Variants in BRAP observed in about 807,000 individuals in gnomAD.
BRAP encodes BRCA1 associated protein, also known as BRCA1-associated protein.
A neutral mutation model predicts 73.4 loss-of-function variants in BRAP; 42 were observed. The ratio of observed to expected loss-of-function variants is 0.57; its 90% CI spans 0.45 to 0.74. BRAP has a LOEUF of 0.74. Ranked by LOEUF, BRAP falls within the 30% of genes least tolerant of loss-of-function variation. The probability of loss-of-function intolerance (pLI) is 0.00; values close to 1 mark genes in which losing one functional copy is unlikely to be tolerated. For synonymous variants in BRAP, 255 were observed against 267.4 expected (o/e 0.95, Z 0.45); for missense variants, 593 against 751.4 (o/e 0.79, Z 2.46).
intron 6 of BRAP, 87 bp from the exon 7 acceptor site, chr12:111,660,762 ATCC>A: frequency 1.2e-5 from 13 of 1,046,386 alleles, no homozygotes; most frequent in Admixed American, 2.4e-5. Flanking sequence ...TGGATTTTAT[ATCC>A]TCCTCCTCTT....
intron 9 of BRAP, among the ~76,000 whole-genome samples, chr12:111,657,627 C>A (rs986879125): frequency 1.3e-5 from 2 of 152,092 alleles, no homozygotes; most frequent in African/African-American, 4.8e-5. Context: ...TGCCTATAAT[C>A]CCAGCACTTT....
rs1012673733 is a variant in BRAP, at chr12:111,644,261, C to T, written c.1717G>A (p.Ala573Thr). ...AACTTCCCACTGCCCCCCGAAGAGG[C>T]AGGGCTCGAGGCCGAGGCCATGGCG... is the stretch of plus-strand genomic sequence containing the variant. ...NIAMASASSP[A>T]SSGGSGKLPS... Residue 573 changes from alanine (A) to threonine (T), a missense_variant, in exon 12 of 12, where the codon GCC becomes ACC. Physicochemically the swap from Ala to Thr is moderately conservative, Grantham distance 58. This residue lies in a region of BRAP where 79 missense variants were observed against 65.3 expected (regional missense o/e 1.21). Coordinates refer to ENST00000419234, the MANE Select transcript of BRAP (RefSeq NM_006768.5). 11 of 1,613,936 alleles carry T rather than the reference C, an allele frequency of 6.8e-6. No individual in the cohort carries two copies. The highest frequency in any genetic ancestry group is 9.3e-6 in the Non-Finnish European group (11 of 1,180,044).
chr12:111,666,711 G>A (rs1270634315), intron 5 of BRAP, among the ~76,000 whole-genome samples: 3 of 152,132 alleles, frequency 2.0e-5, no homozygotes, highest in Non-Finnish European at 4.4e-5. Flanking sequence ...TTGACTTGAC[G>A]CTTCCAGCCA....
At chr12:111,681,145 G>A (rs1030648920) in intron 3 of BRAP, among the ~76,000 whole-genome samples, 3 of 152,058 alleles carry the variant, frequency 2.0e-5, no homozygotes, top group African/African-American at 4.8e-5. Flanking sequence ...TGAGGCGGGC[G>A]GATAACCTGA....
intron 10 of BRAP, among the ~76,000 whole-genome samples, chr12:111,651,689 G>A (rs1886331991): frequency 7.0e-6 from 1 of 142,068 alleles, no homozygotes; most frequent in South Asian, 2.3e-4. Flanking sequence ...CCAGGCTGGA[G>A]TGCAATGGCG....
At chr12:111,679,036 A>C (rs1330134708) in intron 4 of BRAP, 115 bp downstream of exon 4, 2 of 626,560 alleles carry the variant, frequency 3.2e-6, no homozygotes, top group Non-Finnish European at 4.9e-6. Context: ...ATATCTTAGA[A>C]GACATCTCAA....
At chr12:111,655,274 G>T (rs2285727) in intron 10 of BRAP, among the ~76,000 whole-genome samples, 39,209 of 150,226 alleles carry the variant, frequency 0.26, 6,759 homozygotes, top group East Asian at 0.9. Context: ...AAACCCTCAG[G>T]TAGATACTTC....
intron 2 of BRAP, 149 bp from the exon 3 acceptor site, chr12:111,681,984 G>A: frequency 1.3e-6 from 1 of 754,464 alleles, no homozygotes; most frequent in Middle Eastern, 4.0e-4. Context: ...TAGAATAGCT[G>A]AGTTTATGAG....
intron 7 of BRAP, among the ~76,000 whole-genome samples, chr12:111,659,713 G>A (rs979766463): frequency 1.3e-5 from 2 of 151,900 alleles, no homozygotes; most frequent in Non-Finnish European, 2.9e-5. Context: ...AGGAACCTGA[G>A]ACACTAGAAG....
At chr12:111,672,849 T>C (rs1381012004) in intron 4 of BRAP, 75 bp from the exon 5 acceptor site, 1 of 1,162,448 alleles carries the variant, frequency 8.6e-7, no homozygotes, top group Admixed American at 1.9e-5. Flanking sequence ...TCAATATGCA[T>C]GGCTTTATTC....
At chr12:111,672,533 T>C in intron 5 of BRAP, 128 bp downstream of exon 5, 1 of 758,950 alleles carries the variant, frequency 1.3e-6, no homozygotes, top group South Asian at 1.9e-5. Flanking sequence ...CTTCCTGCCC[T>C]GATAACCACC....
At chr12:111,683,007 A>G (rs1043532348) in intron 2 of BRAP, 139 bp downstream of exon 2, 2 of 870,204 alleles carry the variant, frequency 2.3e-6, no homozygotes, top group Non-Finnish European at 3.5e-6. Flanking sequence ...GTGGCTTAAC[A>G]GTGTCATATA....
Position 111,685,813 on chromosome 12 carries a change from C to T in BRAP, c.-21G>A, listed in dbSNP as rs751817733. On this transcript the variant is annotated 5_prime_UTR_variant, in exon 1 of 12. Coordinates refer to ENST00000419234, the MANE Select transcript of BRAP (RefSeq NM_006768.5). ...CTCATAGGGCAGGCGCTGGCCGGCG[C>T]GGGCCCCGGCGGGCTCAGGCGAGGC... 21 of 1,445,022 alleles carry T rather than the reference C, an allele frequency of 1.5e-5. No individual in the cohort carries two copies. The South Asian group carries it at 2.6e-4, about 18-fold the overall frequency. The allele number at this position is 1,445,022 out of a possible 1,614,324, so 89.5% of individuals were successfully genotyped here. A position where few individuals can be genotyped will look rare whatever the true frequency, so the allele number is the denominator to read the frequency against.
intron 11 of BRAP, among the ~76,000 whole-genome samples, chr12:111,645,295 C>T (rs555348811): frequency 5.3e-5 from 8 of 152,138 alleles, no homozygotes; most frequent in Non-Finnish European, 7.4e-5. Flanking sequence ...TCTGGAACTC[C>T]TGACCTTGTG....
At position 111,683,170 on chromosome 12, in the gene BRAP, T is replaced by G; in HGVS notation, c.220A>C (p.Ile74Leu). 4.3e-6 allele frequency: 7 copies of G among 1,614,006 alleles called. No individual in the cohort carries two copies. Among genetic ancestry groups the G allele is most frequent in the Non-Finnish European group, 5.1e-6 (6 of 1,179,984 alleles). ...CCTGGGTTGGACTTCATGGTCTCAA[T>G]GATCACATCTGTCATTTCTCGACGG... Reference protein sequence around the residue: ...LGRREMTDVIIETMKSNPDEL... With the variant: ...LGRREMTDVILETMKSNPDEL... The change falls in exon 2 of 12, where the codon ATT (isoleucine) becomes CTT (leucine). Residue 74 changes from isoleucine to leucine, a missense_variant. Ile to Leu is a conservative substitution (Grantham distance 5). This residue lies in a region of BRAP where 304 missense variants were observed against 337.7 expected (regional missense o/e 0.90). Coordinates refer to ENST00000419234, the MANE Select transcript of BRAP (RefSeq NM_006768.5).
chr12:111,672,583 AT>A, intron 5 of BRAP, 77 bp downstream of exon 5: 1 of 1,308,036 alleles, frequency 7.6e-7, no homozygotes, highest in Non-Finnish European at 1.1e-6. Flanking sequence ...TATTCTGGGT[AT>A]TTCACAGATA....
intron 4 of BRAP, among the ~76,000 whole-genome samples, chr12:111,677,006 C>T (rs966923147): frequency 1.3e-5 from 2 of 152,134 alleles, no homozygotes; most frequent in Non-Finnish European, 2.9e-5. Flanking sequence ...CATGCAGCAA[C>T]CTGTTTCGCA....
At chr12:111,655,953 CAAAT>C (rs1886514548) in intron 9 of BRAP, among the ~76,000 whole-genome samples, 1 of 152,140 alleles carries the variant, frequency 6.6e-6, no homozygotes, top group Non-Finnish European at 1.5e-5. Flanking sequence ...ATGTATAACT[CAAAT>C]AAACTTACCT....
At chr12:111,685,565 G>C (rs909826834) in intron 1 of BRAP, 146 bp downstream of exon 1, 11 of 1,361,904 alleles carry the variant, frequency 8.1e-6, no homozygotes, top group Admixed American at 3.3e-5. Flanking sequence ...AAGGCGGATG[G>C]GAAAGAGAGG....
Sources: allele counts gnomAD v4.1 joint callset (sites outside exome capture counted in the v4.1 genomes callset), GRCh38; gene constraint gnomAD v4.1.1; regional missense constraint gnomAD v4.1.1; transcripts MANE v1.5; gene names NCBI Gene and HGNC (gene_info 2026-07-23, HGNC 2026-07-21).